MAP7: variants seen among roughly 807,000 people sequenced by gnomAD.
MAP7 encodes microtubule associated protein 7, also known as ensconsin.
Under a neutral mutation model 94.8 loss-of-function variants are expected in MAP7, and 52 were observed. The observed-to-expected ratio is 0.55, with a 90% CI of 0.44 to 0.69. The LOEUF (loss-of-function observed/expected upper bound fraction) is 0.69. Ranked by LOEUF, MAP7 falls within the 30% of genes least tolerant of loss-of-function variation. MAP7 has a pLI of 0.00. For missense variants in MAP7, 940 were observed against 964.6 expected, an observed-to-expected ratio of 0.97 and a Z score of 0.34; for synonymous variants, 350 against 357.0, an observed-to-expected ratio of 0.98 and a Z score of 0.22.
intron 1 of MAP7, among the ~76,000 whole-genome samples, chr6:136,456,125 T>C (rs780011901): frequency 6.6e-6 from 1 of 152,234 alleles, no homozygotes. Flanking sequence ...CATAGCTGTG[T>C]GCTCCCAAGT....
intron 7 of MAP7, among the ~76,000 whole-genome samples, chr6:136,376,370 A>G (rs1776161054): frequency 6.6e-6 from 1 of 152,244 alleles, no homozygotes; most frequent in South Asian, 2.1e-4. Context: ...AAGTGCTGGG[A>G]TTACAGGCGT....
chr6:136,346,205 G>A (rs73563564), intron 16 of MAP7, 126 bp from the exon 17 acceptor site: 6,837 of 610,852 alleles, frequency 0.011, 139 homozygotes, highest in East Asian at 0.051. Flanking sequence ...AATCAGACTG[G>A]TGAGTCACAT....
chr6:136,439,172 A>T (rs908267391), intron 1 of MAP7, among the ~76,000 whole-genome samples: 4 of 152,152 alleles, frequency 2.6e-5, no homozygotes, highest in African/African-American at 9.7e-5. Flanking sequence ...CCAACCTATG[A>T]CCCAATGTGA....
intron 1 of MAP7, among the ~76,000 whole-genome samples, chr6:136,455,763 T>G (rs1417397182): frequency 1.3e-5 from 2 of 152,232 alleles, no homozygotes; most frequent in African/African-American, 4.8e-5. Context: ...CTTTATTTAA[T>G]GGATTTTGAG....
chr6:136,393,978 A>ATT (rs1554242698), intron 3 of MAP7, among the ~76,000 whole-genome samples: 37 of 36,190 alleles, frequency 1.0e-3, no homozygotes, highest in Non-Finnish European at 1.7e-3. Context: ...CAGCAAAGGT[A>ATT]TTTTTTTTTT....
At chr6:136,497,789 C>A (rs1431667732) in intron 1 of MAP7, among the ~76,000 whole-genome samples, 3 of 123,128 alleles carry the variant, frequency 2.4e-5, no homozygotes, top group Non-Finnish European at 3.2e-5. Flanking sequence ...CAGAGCCAGA[C>A]TCTGTCACAA....
chr6:136,385,531 C>T (rs184386596), intron 5 of MAP7, among the ~76,000 whole-genome samples: 64 of 152,242 alleles, frequency 4.2e-4, no homozygotes, highest in African/African-American at 1.5e-3. Context: ...CAGGCAGATT[C>T]TCAACAGGTT....
chr6:136,386,760 A>T (rs1028113905), intron 5 of MAP7, among the ~76,000 whole-genome samples: 1 of 152,222 alleles, frequency 6.6e-6, no homozygotes, highest in African/African-American at 2.4e-5. Context: ...GTTCACTGTC[A>T]TAAGAAAGTA....
rs115115061 is a variant in MAP7, at chr6:136,432,756, A to G, written c.68-10957T>C. Among the ~76,000 whole-genome samples the G allele has an allele frequency of 3.3e-3, 507 of 152,312 alleles. 5 individuals are homozygous for G. The highest frequency in any genetic ancestry group is 0.011 in the African/African-American group (472 of 41,572). On this transcript the variant is annotated intron_variant, in intron 1 of 17. Coordinates refer to ENST00000354570, the MANE Select transcript of MAP7 (RefSeq NM_003980.6). Reference sequence around the variant, plus strand: ...AACTGCACATTTGCTTATAAAAAGAAAGTAAATTTATCTATTGATTTAGCC... The same window carrying G: ...AACTGCACATTTGCTTATAAAAAGAGAGTAAATTTATCTATTGATTTAGCC...
chr6:136,456,870 A>AGAAGAAGAAGAAGAAGAAGAAGAAGAG lies in MAP7; in HGVS notation c.68-35072_68-35071insCTCTTCTTCTTCTTCTTCTTCTTCTTC, dbSNP rs1554259587. On this transcript the variant is annotated intron_variant, in intron 1 of 17. Coordinates refer to ENST00000354570, the MANE Select transcript of MAP7 (RefSeq NM_003980.6). ...AAGAGGAAGAAGAAGAAGAAGAAGA[A>AGAAGAAGAAGAAGAAGAAGAAGAAGAG]GAAATACTTCAAATAAAAACAAAAC... Among the ~76,000 whole-genome samples the AGAAGAAGAAGAAGAAGAAGAAGAAGAG allele has an allele frequency of 7.2e-4, 101 of 140,966 alleles. 5 individuals are homozygous for AGAAGAAGAAGAAGAAGAAGAAGAAGAG. The South Asian group carries it at 0.013, about 17-fold the overall frequency. The allele number at this position is 140,966 out of a possible 152,430, so 92.5% of individuals were successfully genotyped here. A position where few individuals can be genotyped will look rare whatever the true frequency, so the allele number is the denominator to read the frequency against.
At chr6:136,370,097 TA>T (rs1344141596) in intron 8 of MAP7, among the ~76,000 whole-genome samples, 2 of 152,170 alleles carry the variant, frequency 1.3e-5, no homozygotes. Context: ...ATAACCCCAT[TA>T]AAAAGTGAGC....
intron 8 of MAP7, among the ~76,000 whole-genome samples, chr6:136,369,570 C>CAA (rs55957965): frequency 0.025 from 3,583 of 145,788 alleles, 64 homozygotes; most frequent in Non-Finnish European, 0.036. Context: ...GAGACTGTCT[C>CAA]AAAAAAAAAA....
At chr6:136,359,286 T>C (rs1562307603) in intron 15 of MAP7, among the ~76,000 whole-genome samples, 2 of 152,210 alleles carry the variant, frequency 1.3e-5, no homozygotes, top group Non-Finnish European at 2.9e-5. Flanking sequence ...ACAACTATTA[T>C]TTGTCAATTA....
At chr6:136,478,933 C>T (rs910456621) in intron 1 of MAP7, among the ~76,000 whole-genome samples, 3 of 136,330 alleles carry the variant, frequency 2.2e-5, no homozygotes, top group African/African-American at 8.4e-5. Flanking sequence ...GGGAGTACTT[C>T]CAAAGTCATT....
At chr6:136,459,911 A>C (rs972314678) in intron 1 of MAP7, among the ~76,000 whole-genome samples, 12 of 152,204 alleles carry the variant, frequency 7.9e-5, no homozygotes, top group Admixed American at 7.9e-4. Context: ...TTTTTACCAC[A>C]ATGAACAAAA....
At chr6:136,375,237 T>C (rs1228396395) in intron 7 of MAP7, among the ~76,000 whole-genome samples, 1 of 152,232 alleles carries the variant, frequency 6.6e-6, no homozygotes, top group Non-Finnish European at 1.5e-5. Flanking sequence ...GCATTGCATA[T>C]ACATTATTTA....
At chr6:136,443,449 CTTTTT>C (rs149514831) in intron 1 of MAP7, among the ~76,000 whole-genome samples, 4 of 99,922 alleles carry the variant, frequency 4.0e-5, no homozygotes, top group African/African-American at 3.7e-5. Context: ...TCCCCTTCTA[CTTTTT>C]TTTTTTTTTT....
At chr6:136,354,123 T>TTA (rs3040698) in intron 16 of MAP7, among the ~76,000 whole-genome samples, 110,764 of 141,998 alleles carry the variant, frequency 0.78, 43,310 homozygotes, top group Middle Eastern at 0.85. Flanking sequence ...TATATATATA[T>TTA]TATATATATA....
At chr6:136,516,297 G>A (rs959080913) in intron 1 of MAP7, among the ~76,000 whole-genome samples, 1 of 152,076 alleles carries the variant, frequency 6.6e-6, no homozygotes, top group Non-Finnish European at 1.5e-5. Flanking sequence ...GAGTAGCTGA[G>A]ACCACAGGTG....
Sources: allele counts gnomAD v4.1 joint callset (sites outside exome capture counted in the v4.1 genomes callset), GRCh38; gene constraint gnomAD v4.1.1; transcripts MANE v1.5; gene names NCBI Gene and HGNC (gene_info 2026-07-23, HGNC 2026-07-21).